The following CTIF variants were observed in gnomAD, a reference collection of about 807,000 sequenced individuals.
CTIF encodes cap binding complex dependent translation initiation factor, also known as CBP80/20-dependent translation initiation factor.
Under a neutral mutation model 66.0 loss-of-function variants are expected in CTIF, and 21 were observed. The observed-to-expected ratio is 0.32, with a 90% CI of 0.23 to 0.46. The LOEUF is 0.46. CTIF is among the 20% of genes least tolerant of loss of function. CTIF has a pLI of 1.00. For missense variants in CTIF, 739 were observed against 812.7 expected (o/e 0.91, Z 1.10); for synonymous variants, 345 against 326.4 (o/e 1.06, Z -0.62).
chr18:48,688,224 G>GA (rs1568136642), intron 6 of CTIF: 1 of 152,298 alleles, frequency 6.6e-6, no homozygotes, highest in African/African-American at 2.4e-5. Context: ...AGGCCTGAAG[G>GA]GCAAGGGCTC....
rs191413582 is a variant in CTIF at position 48,703,679 on chromosome 18, A to G, written c.508-7940A>G. ...GAAGGTTAAGTGGGCATTGGATTCT[A>G]TGAAAGTGCAGGCCATGGAATTGAG... On this transcript the variant is annotated intron_variant, in intron 6 of 11. Transcript: ENST00000256413. Among the ~76,000 whole-genome samples the G allele has an allele frequency of 2.1e-3, 313 of 152,290 alleles. 1 individual carries two copies. Among genetic ancestry groups the G allele is most frequent in the African/African-American group, 6.7e-3 (280 of 41,562 alleles).
At chr18:48,817,485 A>T in intron 10 of CTIF, 109 bp downstream of exon 10, 3 of 1,380,658 alleles carry the variant, frequency 2.2e-6, no homozygotes, top group Non-Finnish European at 2.9e-6. Flanking sequence ...TTAGAAAGGG[A>T]CCCATCCGGG....
chr18:48,643,752 G>A (rs1239421538), intron 3 of CTIF, among the ~76,000 whole-genome samples: 1 of 152,126 alleles, frequency 6.6e-6, no homozygotes, highest in Non-Finnish European at 1.5e-5. Context: ...GGCTGCTGCT[G>A]AGGCCTTCAT....
intron 1 of CTIF, among the ~76,000 whole-genome samples, chr18:48,612,240 G>T (rs367965368): frequency 9.2e-5 from 14 of 152,336 alleles, no homozygotes; most frequent in African/African-American, 3.1e-4. Context: ...GGCTGGACTG[G>T]GGCTGGAGGG....
chr18:48,608,454 T>C (rs1283351447), intron 1 of CTIF, among the ~76,000 whole-genome samples: 2 of 152,036 alleles, frequency 1.3e-5, no homozygotes, highest in African/African-American at 4.8e-5. Context: ...ACTGTGCTCC[T>C]TGCAGGACAA....
chr18:48,676,775 C>T (rs964565223), intron 6 of CTIF, among the ~76,000 whole-genome samples: 9 of 151,882 alleles, frequency 5.9e-5, no homozygotes, highest in African/African-American at 2.2e-4. Flanking sequence ...ACAGTTCCTT[C>T]CTCGTTCTTC....
At chr18:48,614,944 A>G (rs993819931) in intron 1 of CTIF, among the ~76,000 whole-genome samples, 1 of 152,184 alleles carries the variant, frequency 6.6e-6, no homozygotes, top group Non-Finnish European at 1.5e-5. Context: ...TCTGTCACCC[A>G]GACTGGAGTG....
intron 2 of CTIF, among the ~76,000 whole-genome samples, chr18:48,623,827 A>C (rs1233511411): frequency 6.6e-6 from 1 of 152,100 alleles, no homozygotes; most frequent in Non-Finnish European, 1.5e-5. Flanking sequence ...CCTTCCCAGT[A>C]ACAACTAGAA....
At chr18:48,656,656 T>C (rs1318194464) in intron 3 of CTIF, among the ~76,000 whole-genome samples, 2 of 152,188 alleles carry the variant, frequency 1.3e-5, no homozygotes, top group Non-Finnish European at 2.9e-5. Context: ...CTGCCAGCAG[T>C]ATGGTGCACC....
Position 48,761,511 on chromosome 18 carries a change from A to G in CTIF, c.1193A>G (p.Glu398Gly). ...DVDTKLTTFM[E>G]EAQNSTNSEE... ...GACACCAAGCTCACCACCTTCATGGAGGAGGCCCAGAACTCCACCAACTCC... is the reference window on the plus strand; with the variant it reads ...GACACCAAGCTCACCACCTTCATGGGGGAGGCCCAGAACTCCACCAACTCC... The change falls in exon 9 of 12, where the codon GAG becomes GGG. Residue 398 changes from glutamate (E) to glycine (G), a missense_variant. By Grantham distance (98) the Glu-to-Gly change is moderately conservative (BLOSUM62 -2). Transcript: ENST00000256413. This position sits in a 1 kb window ranked among gnomAD's most constrained non-coding sequence, Gnocchi z 4.2. The G allele has an allele frequency of 6.2e-7, 1 of 1,614,170 alleles. No individual in the cohort carries two copies. The highest frequency in any genetic ancestry group is 8.5e-7 in the Non-Finnish European group (1 of 1,180,044).
intron 9 of CTIF, among the ~76,000 whole-genome samples, chr18:48,816,692 G>A (rs1290150883): frequency 1.3e-5 from 2 of 152,212 alleles, no homozygotes; most frequent in Non-Finnish European, 2.9e-5. Flanking sequence ...GAATGCCTAG[G>A]CCCCTCGAGG....
intron 10 of CTIF, among the ~76,000 whole-genome samples, chr18:48,833,300 G>A (rs898124411): frequency 2.0e-5 from 3 of 152,316 alleles, no homozygotes; most frequent in East Asian, 1.9e-4. Flanking sequence ...GCCTCGTGGG[G>A]CCTGGGGAGT....
At chr18:48,638,547 C>G (rs2090866451) in intron 3 of CTIF, among the ~76,000 whole-genome samples, 2 of 152,122 alleles carry the variant, frequency 1.3e-5, no homozygotes, top group Non-Finnish European at 2.9e-5. Flanking sequence ...TCTGCCTTCC[C>G]CACCTGCAGG....
chr18:48,579,338 G>A (rs546515541), intron 1 of CTIF, among the ~76,000 whole-genome samples: 1 of 152,142 alleles, frequency 6.6e-6, no homozygotes, highest in Admixed American at 6.5e-5. Context: ...TAGAGAAGGG[G>A]TTTCTCCATG....
At chr18:48,763,783 G>C (rs1483786168) in intron 9 of CTIF, among the ~76,000 whole-genome samples, 3 of 152,098 alleles carry the variant, frequency 2.0e-5, no homozygotes, top group African/African-American at 7.2e-5. Context: ...TCTCGGGCAG[G>C]GGCACGAGGG....
chr18:48,787,237 A>G (rs543885229), intron 9 of CTIF, among the ~76,000 whole-genome samples: 15 of 152,226 alleles, frequency 9.9e-5, no homozygotes, highest in East Asian at 3.9e-4. Context: ...CCAGCCCAGG[A>G]TGGCTGTGAC....
At chr18:48,840,066 T>C (rs186622946) in intron 10 of CTIF, among the ~76,000 whole-genome samples, 31 of 152,290 alleles carry the variant, frequency 2.0e-4, no homozygotes, top group African/African-American at 6.7e-4. Context: ...TGGTGAGTCT[T>C]CTGGCTACGG....
intron 8 of CTIF, 57 bp downstream of exon 8, chr18:48,758,462 G>A (rs1373648247): frequency 1.0e-5 from 16 of 1,542,248 alleles, no homozygotes; most frequent in Non-Finnish European, 1.3e-5. Flanking sequence ...GCAAGAGGTA[G>A]GCACTTTGGT....
intron 9 of CTIF, among the ~76,000 whole-genome samples, chr18:48,797,497 T>G (rs7408080): frequency 0.41 from 56,009 of 135,622 alleles, 12,655 homozygotes; most frequent in African/African-American, 0.59. Flanking sequence ...AGAAAAGGGG[T>G]GGGGGGGCAA....
Sources: allele counts gnomAD v4.1 joint callset (sites outside exome capture counted in the v4.1 genomes callset), GRCh38; gene constraint gnomAD v4.1.1; non-coding constraint Gnocchi (gnomAD v3.1); transcripts MANE v1.5; gene names NCBI Gene and HGNC (gene_info 2026-07-23, HGNC 2026-07-21).